Variants in CCDC149 observed in about 807,000 individuals in gnomAD.
CCDC149 encodes coiled-coil domain containing 149.
A neutral mutation model predicts 59.9 loss-of-function variants in CCDC149; 45 were observed. That is an observed-to-expected ratio of 0.75 (90% CI 0.59 to 0.96). CCDC149 has a LOEUF of 0.96. CCDC149 is among the 40% of genes least tolerant of loss of function. CCDC149 has a pLI of 0.00. For missense variants in CCDC149, 584 were observed against 664.7 expected (o/e 0.88, Z 1.33); for synonymous variants, 245 against 260.6 (o/e 0.94, Z 0.58).
At chr4:24,967,291 A>C (rs1413234967) in intron 1 of CCDC149, among the ~76,000 whole-genome samples, 1 of 152,146 alleles carries the variant, frequency 6.6e-6, no homozygotes, top group African/African-American at 2.4e-5. Flanking sequence ...ATACAGAGAT[A>C]ACTGAGACAA....
intron 3 of CCDC149, among the ~76,000 whole-genome samples, chr4:24,871,591 T>C (rs1719044625): frequency 2.0e-5 from 3 of 152,176 alleles, no homozygotes; most frequent in African/African-American, 7.2e-5. Flanking sequence ...CAAAGTTATA[T>C]ATGAAAATAG....
intron 1 of CCDC149, among the ~76,000 whole-genome samples, chr4:24,949,846 G>A (rs1723230757): frequency 6.6e-6 from 1 of 152,220 alleles, no homozygotes; most frequent in Non-Finnish European, 1.5e-5. Context: ...CTTTCCCCAA[G>A]ATGTTGTCAG....
intron 1 of CCDC149, among the ~76,000 whole-genome samples, chr4:24,975,009 G>A (rs1724113749): frequency 6.6e-6 from 1 of 152,124 alleles, no homozygotes; most frequent in African/African-American, 2.4e-5. Flanking sequence ...GAGGCTGTGA[G>A]GTTTCCTTCT....
intron 1 of CCDC149, among the ~76,000 whole-genome samples, chr4:24,974,363 G>T (rs1011071753): frequency 1.1e-4 from 17 of 152,280 alleles, no homozygotes; most frequent in African/African-American, 3.9e-4. Flanking sequence ...ATACTTCTTT[G>T]CTTTTTCAGC....
At chr4:24,814,503 T>C (rs1714881172) in intron 12 of CCDC149, among the ~76,000 whole-genome samples, 1 of 152,218 alleles carries the variant, frequency 6.6e-6, no homozygotes, top group South Asian at 2.1e-4. Flanking sequence ...AAAGCTTCGC[T>C]ACCCAAAGTG....
chr4:24,844,664 G>A (rs1311275963), intron 4 of CCDC149, among the ~76,000 whole-genome samples: 1 of 152,058 alleles, frequency 6.6e-6, no homozygotes, highest in Non-Finnish European at 1.5e-5. Flanking sequence ...TCCCAGCTAC[G>A]CAGGAGGCTG....
Position 24,808,256 on chromosome 4 carries a change from G to C in CCDC149, c.*133C>G. The stretch of plus-strand genomic sequence containing the variant: ...TCAGAATATTCACAGTTTGCAACAG[G>C]ATCAGTGCGTTTTCTCACTTGCAGA... On this transcript the variant is annotated 3_prime_UTR_variant, in exon 13 of 13. Transcript: ENST00000635206. 1 of 709,392 alleles carries C rather than the reference G, an allele frequency of 1.4e-6. No homozygotes were observed. The highest frequency in any genetic ancestry group is 2.2e-6 in the Non-Finnish European group (1 of 462,912). The allele number at this position is 709,392 out of a possible 1,614,324, so 43.9% of individuals were successfully genotyped here.
chr4:24,935,093 A>G (rs1052347047), intron 1 of CCDC149, among the ~76,000 whole-genome samples: 3 of 152,210 alleles, frequency 2.0e-5, no homozygotes, highest in African/African-American at 2.4e-5. Flanking sequence ...GGCTCCATCA[A>G]TCATCCTGAT....
At chr4:24,961,769 G>A (rs1429665268) in intron 1 of CCDC149, among the ~76,000 whole-genome samples, 2 of 152,168 alleles carry the variant, frequency 1.3e-5, no homozygotes, top group Non-Finnish European at 2.9e-5. Context: ...GTAGAAAGCT[G>A]AAACTGGATC....
At chr4:24,885,071 G>A (rs1005139345) in intron 1 of CCDC149, among the ~76,000 whole-genome samples, 11 of 152,164 alleles carry the variant, frequency 7.2e-5, no homozygotes, top group African/African-American at 1.4e-4. Flanking sequence ...AACAGTGAGC[G>A]ACGCCCTGGG....
chr4:24,849,237 C>CT (rs1244975465), intron 4 of CCDC149, among the ~76,000 whole-genome samples: 2 of 152,192 alleles, frequency 1.3e-5, no homozygotes, highest in East Asian at 3.8e-4. Context: ...GACTGACACT[C>CT]TGAGAGCCCT....
intron 9 of CCDC149, 140 bp from the exon 10 acceptor site, chr4:24,822,713 GT>G: frequency 1.9e-6 from 1 of 527,916 alleles, no homozygotes; most frequent in Non-Finnish European, 3.4e-6. Context: ...ATGTATGTGT[GT>G]GTAAATAATA....
chr4:24,912,477 C>T (rs562811435), intron 1 of CCDC149, among the ~76,000 whole-genome samples: 1 of 152,294 alleles, frequency 6.6e-6, no homozygotes, highest in South Asian at 2.1e-4. Context: ...TTGTTTGGCT[C>T]CACAACAGTG....
chr4:24,887,838 A>T (rs6826537), intron 1 of CCDC149, among the ~76,000 whole-genome samples: 8,752 of 151,546 alleles, frequency 0.058, 833 homozygotes, highest in African/African-American at 0.2. Flanking sequence ...TGTTAAGGAG[A>T]TTTGCAAACA....
At chr4:24,925,578 C>G (rs1390318614) in intron 1 of CCDC149, among the ~76,000 whole-genome samples, 1 of 152,190 alleles carries the variant, frequency 6.6e-6, no homozygotes, top group Non-Finnish European at 1.5e-5. Context: ...ACTTACAAAT[C>G]TCTTTGAGTC....
intron 2 of CCDC149, among the ~76,000 whole-genome samples, chr4:24,876,002 T>A (rs1719395800): frequency 6.6e-6 from 1 of 152,002 alleles, no homozygotes; most frequent in Admixed American, 6.5e-5. Context: ...CTGTTCTGAG[T>A]CGTGTGATGA....
intron 11 of CCDC149, among the ~76,000 whole-genome samples, chr4:24,820,777 T>A (rs1715340721): frequency 6.6e-6 from 1 of 152,030 alleles, no homozygotes; most frequent in South Asian, 2.1e-4. Flanking sequence ...TCTGGGGAGC[T>A]GCCACTCTTT....
intron 12 of CCDC149, among the ~76,000 whole-genome samples, chr4:24,817,081 C>T (rs960562495): frequency 6.6e-6 from 1 of 152,206 alleles, no homozygotes; most frequent in South Asian, 2.1e-4. Flanking sequence ...GCTAATGATG[C>T]AACTCTGGAA....
intron 1 of CCDC149, among the ~76,000 whole-genome samples, chr4:24,932,087 C>A (rs1722612006): frequency 6.6e-6 from 1 of 151,820 alleles, no homozygotes; most frequent in South Asian, 2.1e-4. Context: ...CAGTTTAGTT[C>A]CACAGTGCTT....
Sources: allele counts gnomAD v4.1 joint callset (sites outside exome capture counted in the v4.1 genomes callset), GRCh38; gene constraint gnomAD v4.1.1; transcripts MANE v1.5; gene names NCBI Gene and HGNC (gene_info 2026-07-23, HGNC 2026-07-21).